Variants in PDE3A observed in about 807,000 individuals in gnomAD.
PDE3A encodes the protein phosphodiesterase 3A.
Under a neutral mutation model 98.3 loss-of-function variants are expected in PDE3A, and 43 were observed. The ratio of observed to expected loss-of-function variants is 0.44; its 90% CI spans 0.34 to 0.56. The LOEUF (loss-of-function observed/expected upper bound fraction) is 0.56, where lower values mean the gene tolerates loss of function less well. PDE3A is among the 20% of genes least tolerant of loss of function. The pLI is 0.01. For synonymous variants in PDE3A, 663 were observed against 567.9 expected (o/e 1.17, Z -2.38); for missense variants, 1,427 against 1,440.7 (o/e 0.99, Z 0.15).
At chr12:20,492,428 G>A (rs1443406681) in intron 1 of PDE3A, among the ~76,000 whole-genome samples, 6 of 152,072 alleles carry the variant, frequency 3.9e-5, no homozygotes, top group Non-Finnish European at 5.9e-5. Flanking sequence ...ATGAGTCACA[G>A]TCTGGGCAGG....
At chr12:20,587,504 A>C (rs919414120) in intron 2 of PDE3A, among the ~76,000 whole-genome samples, 1 of 152,156 alleles carries the variant, frequency 6.6e-6, no homozygotes, top group Non-Finnish European at 1.5e-5. Flanking sequence ...CTAGAATTTT[A>C]CTATTTCTTT....
chr12:20,593,573 A>G (rs897412497), intron 2 of PDE3A, among the ~76,000 whole-genome samples: 2 of 152,050 alleles, frequency 1.3e-5, no homozygotes, highest in Admixed American at 6.6e-5. Flanking sequence ...TCAGTCTTGC[A>G]TGTAAATTTC....
intron 15 of PDE3A, among the ~76,000 whole-genome samples, chr12:20,672,037 G>A (rs2120430638): frequency 6.6e-6 from 1 of 151,654 alleles, no homozygotes; most frequent in South Asian, 2.1e-4. Context: ...AAAATCACAA[G>A]CATTCTTATA....
intron 1 of PDE3A, among the ~76,000 whole-genome samples, chr12:20,505,787 A>G (rs1256230298): frequency 6.6e-6 from 1 of 152,098 alleles, no homozygotes; most frequent in Non-Finnish European, 1.5e-5. Flanking sequence ...TCTTCAGGAC[A>G]GTGGTTTTCC....
At chr12:20,416,567 T>C (rs1239957508) in intron 1 of PDE3A, among the ~76,000 whole-genome samples, 3 of 152,302 alleles carry the variant, frequency 2.0e-5, no homozygotes, top group African/African-American at 7.2e-5. Context: ...TTTAAAGTAC[T>C]CCAAATTTAG....
intron 2 of PDE3A, among the ~76,000 whole-genome samples, chr12:20,594,725 G>A (rs1943423837): frequency 6.6e-6 from 1 of 151,958 alleles, no homozygotes; most frequent in Middle Eastern, 3.2e-3. Context: ...TAGTATGTTG[G>A]GGGCTCGCTT....
chr12:20,410,453 G>A (rs1389583360), intron 1 of PDE3A, among the ~76,000 whole-genome samples: 2 of 152,102 alleles, frequency 1.3e-5, no homozygotes. Context: ...GAGAGGAAGA[G>A]GGATCTCAGT....
chr12:20,540,589 C>A (rs1274725271), intron 1 of PDE3A, among the ~76,000 whole-genome samples: 3 of 152,074 alleles, frequency 2.0e-5, no homozygotes, highest in Non-Finnish European at 4.4e-5. Flanking sequence ...CACCCTATTA[C>A]TCCTGTAAAG....
At chr12:20,507,300 C>A (rs921096915) in intron 1 of PDE3A, among the ~76,000 whole-genome samples, 6 of 151,950 alleles carry the variant, frequency 3.9e-5, no homozygotes, top group Non-Finnish European at 7.4e-5. Flanking sequence ...TAGGCTTTCT[C>A]AGTTTGATTT....
intron 1 of PDE3A, among the ~76,000 whole-genome samples, chr12:20,517,378 C>A (rs753334024): frequency 6.6e-6 from 1 of 152,038 alleles, no homozygotes; most frequent in African/African-American, 2.4e-5. Context: ...CTTTGAACAA[C>A]GGGGAGAAAA....
At chr12:20,435,528 A>G (rs890310122) in intron 1 of PDE3A, among the ~76,000 whole-genome samples, 8 of 152,172 alleles carry the variant, frequency 5.3e-5, no homozygotes, top group Non-Finnish European at 2.9e-5. Context: ...TCTGGGAGGT[A>G]GGAAGATTGG....
intron 1 of PDE3A, among the ~76,000 whole-genome samples, chr12:20,421,598 T>TAAA (rs35898103): frequency 4.7e-4 from 54 of 115,018 alleles, no homozygotes; most frequent in African/African-American, 1.5e-3. Context: ...TTATTGGTAA[T>TAAA]AAAAAAAAAA....
chr12:20,572,051 A>C (rs937737994), intron 2 of PDE3A: 6 of 1,191,618 alleles, frequency 5.0e-6, no homozygotes, highest in Non-Finnish European at 6.4e-6. Context: ...AGTATTCATG[A>C]AAGCATGTTT....
rs373606982 is a variant in PDE3A, at chr12:20,686,702, C to G, written c.*6431C>G. Among the ~76,000 whole-genome samples the G allele has an allele frequency of 1.2e-4, 19 of 152,194 alleles. No homozygotes were observed. Among genetic ancestry groups the G allele is most frequent in the Admixed American group, 3.3e-4 (5 of 15,282 alleles). ...ATAGGAGGAAAGCATGGCTTCTCTT[C>G]AATTATACTTCTCTTACTCAATATT... On this transcript the variant is annotated 3_prime_UTR_variant, in exon 16 of 16. Transcript: ENST00000359062.
intron 1 of PDE3A, among the ~76,000 whole-genome samples, chr12:20,453,912 A>G (rs1393444607): frequency 2.0e-5 from 3 of 152,120 alleles, no homozygotes; most frequent in Non-Finnish European, 2.9e-5. Flanking sequence ...TTGCCTCCTT[A>G]CAGTTTACTC....
At chr12:20,527,688 C>T (rs1451309852) in intron 1 of PDE3A, among the ~76,000 whole-genome samples, 1 of 152,212 alleles carries the variant, frequency 6.6e-6, no homozygotes, top group East Asian at 1.9e-4. Context: ...TGAGTACAGA[C>T]ATATGGCAGC....
intron 4 of PDE3A, among the ~76,000 whole-genome samples, chr12:20,618,371 A>T (rs1390006740): frequency 6.6e-6 from 1 of 151,990 alleles, no homozygotes; most frequent in Admixed American, 6.6e-5. Context: ...TCCTTTCCAT[A>T]TCTTTTCATT....
intron 1 of PDE3A, among the ~76,000 whole-genome samples, chr12:20,505,952 T>A (rs931543046): frequency 1.3e-5 from 2 of 152,044 alleles, no homozygotes; most frequent in Non-Finnish European, 2.9e-5. Flanking sequence ...AAAACACATA[T>A]TCCAGTGTCT....
intron 1 of PDE3A, among the ~76,000 whole-genome samples, chr12:20,534,411 C>T (rs1409340312): frequency 1.3e-5 from 2 of 152,120 alleles, no homozygotes; most frequent in Admixed American, 6.6e-5. Context: ...CTTCAATAGG[C>T]GAGGTGATTA....
Sources: gnomAD v4.1 joint callset for allele counts (sites outside exome capture counted in the v4.1 genomes callset) on GRCh38, gnomAD v4.1.1 for gene constraint, MANE v1.5 for transcripts, NCBI Gene and HGNC (gene_info 2026-07-23, HGNC 2026-07-21) for gene names.